Variants in CDC14A observed in about 807,000 individuals in gnomAD.
CDC14A encodes dual specificity protein phosphatase CDC14A.
In CDC14A, 53 loss-of-function variants were observed where a neutral mutation model predicts 74.4. The observed-to-expected ratio is 0.71, with a 90% confidence interval of 0.57 to 0.89. The LOEUF is 0.89. Among genes scored for constraint, CDC14A ranks in the 40% least tolerant of loss-of-function variants. CDC14A has a pLI of 0.00. For missense variants in CDC14A, 646 were observed against 713.7 expected, an observed-to-expected ratio of 0.91 and a Z score of 1.08; for synonymous variants, 247 against 258.4, an observed-to-expected ratio of 0.96 and a Z score of 0.43.
At chr1:100,392,625 T>C (rs1172326101) in intron 4 of CDC14A, among the ~76,000 whole-genome samples, 2 of 152,190 alleles carry the variant, frequency 1.3e-5, no homozygotes, top group African/African-American at 4.8e-5. Flanking sequence ...GAGGTCTTGT[T>C]TGGTAATCAA....
intron 15 of CDC14A, among the ~76,000 whole-genome samples, chr1:100,511,362 T>A (rs1289402723): frequency 6.6e-6 from 1 of 152,196 alleles, no homozygotes; most frequent in Admixed American, 6.5e-5. Context: ...AGGTGGCCCC[T>A]CATTCTGGTG....
At chr1:100,420,263 GA>G (rs1299900105) in intron 4 of CDC14A, among the ~76,000 whole-genome samples, 1 of 148,068 alleles carries the variant, frequency 6.8e-6, no homozygotes, top group East Asian at 2.0e-4. Flanking sequence ...ACTTCTCTAT[GA>G]AGCCATTTAT....
chr1:100,372,263 T>TG (rs1654583796), intron 2 of CDC14A, among the ~76,000 whole-genome samples: 1 of 152,180 alleles, frequency 6.6e-6, no homozygotes, highest in Non-Finnish European at 1.5e-5. Flanking sequence ...TGCTGAAGGT[T>TG]GGGGTGGCTG....
intron 7 of CDC14A, among the ~76,000 whole-genome samples, chr1:100,452,981 T>C (rs753135238): frequency 1.3e-5 from 2 of 152,200 alleles, no homozygotes; most frequent in African/African-American, 2.4e-5. Context: ...GGCACAAATA[T>C]TAACTTTGGA....
chr1:100,484,819 A>T (rs1165428012), intron 11 of CDC14A: 3 of 986,848 alleles, frequency 3.0e-6, no homozygotes, highest in Non-Finnish European at 3.6e-6. Context: ...AAAGCCTCAA[A>T]TTCATGCTGA....
intron 3 of CDC14A, among the ~76,000 whole-genome samples, chr1:100,386,064 G>A (rs778762994): frequency 1.6e-4 from 24 of 152,010 alleles, no homozygotes; most frequent in Non-Finnish European, 3.4e-4. Context: ...CTACTCAGGA[G>A]GCTGAGGCAT....
At chr1:100,369,989 A>AT (rs1654229982) in intron 2 of CDC14A, among the ~76,000 whole-genome samples, 25 of 147,944 alleles carry the variant, frequency 1.7e-4, no homozygotes, top group African/African-American at 2.0e-4. Flanking sequence ...TAAAAAAAAA[A>AT]ATTTTTTTTT....
chr1:100,393,721 T>A, intron 4 of CDC14A: 19 of 371,958 alleles, frequency 5.1e-5, no homozygotes, highest in Middle Eastern at 9.4e-4. Flanking sequence ...TTTGGGAGGC[T>A]GAGGCGGGCG....
At chr1:100,511,930 G>T (rs1451266435) in intron 15 of CDC14A, among the ~76,000 whole-genome samples, 3 of 152,184 alleles carry the variant, frequency 2.0e-5, no homozygotes, top group Non-Finnish European at 4.4e-5. Flanking sequence ...ACTGGGTCAA[G>T]TCTGGCTCCC....
chr1:100,376,563 T>C (rs757125479), intron 2 of CDC14A, among the ~76,000 whole-genome samples: 3 of 152,164 alleles, frequency 2.0e-5, no homozygotes, highest in Non-Finnish European at 4.4e-5. Flanking sequence ...CGGAAGGGCC[T>C]GTAGATGGTG....
intron 4 of CDC14A, chr1:100,393,623 C>T (rs1413895466): frequency 1.2e-5 from 8 of 652,660 alleles, no homozygotes; most frequent in Non-Finnish European, 2.0e-5. Context: ...CTGCTTCCTG[C>T]ACACCAGAGG....
intron 15 of CDC14A, among the ~76,000 whole-genome samples, chr1:100,500,811 A>AGTGTGTGTGTGTGT (rs58424420): frequency 1.2e-4 from 16 of 131,324 alleles, no homozygotes; most frequent in African/African-American, 4.6e-4. Context: ...ATGAGAATGC[A>AGTGTGTGTGTGTGT]GTGTGTGTGT....
At chr1:100,460,392 G>A (rs1164409280) in intron 8 of CDC14A, among the ~76,000 whole-genome samples, 2 of 152,148 alleles carry the variant, frequency 1.3e-5, no homozygotes, top group African/African-American at 2.4e-5. Context: ...CAGGGAGGAA[G>A]GGGATAGGCA....
chr1:100,466,438 A>G (rs1350012236), intron 9 of CDC14A, among the ~76,000 whole-genome samples: 1 of 152,210 alleles, frequency 6.6e-6, no homozygotes, highest in African/African-American at 2.4e-5. Context: ...TCATAAAGGG[A>G]GAGCCCCACT....
intron 4 of CDC14A, among the ~76,000 whole-genome samples, chr1:100,392,500 G>A (rs750265877): frequency 2.2e-4 from 33 of 150,072 alleles, no homozygotes; most frequent in African/African-American, 7.1e-4. Flanking sequence ...ATTCATATTC[G>A]TCTGGTTTAT....
intron 10 of CDC14A, among the ~76,000 whole-genome samples, chr1:100,478,743 A>T (rs1669167818): frequency 6.6e-6 from 1 of 152,206 alleles, no homozygotes; most frequent in Non-Finnish European, 1.5e-5. Context: ...TTAAATCCAT[A>T]AACCAAAAAT....
chr1:100,394,502 G>T lies in CDC14A; in HGVS notation c.309+3678G>T, dbSNP rs74926568. On this transcript the variant is annotated intron_variant, in intron 4 of 15. Coordinates refer to ENST00000336454, the MANE Select transcript of CDC14A (RefSeq NM_003672.4). ...GCAGGGTGCCTCTAGAACTTTGAAA[G>T]GATTAAATTAGATGCGTTGAGCTTG... is the stretch of plus-strand genomic sequence containing the variant. 2.9e-3 allele frequency among the ~76,000 whole-genome samples: 437 copies of T among 152,284 alleles called. 2 individuals carry two copies. Among genetic ancestry groups the T allele is most frequent in the African/African-American group, 9.4e-3 (392 of 41,540 alleles).
At position 100,389,247 on chromosome 1, in the gene CDC14A, T is replaced by C. The variant is rs1490616101; in HGVS notation, c.217-1485T>C. Among the ~76,000 whole-genome samples, 4 of 146,466 alleles carry C rather than the reference T, an allele frequency of 2.7e-5. No homozygotes were observed. The East Asian group carries it at 8.1e-4, about 30-fold the overall frequency. ...CAGCCATTTTCAGATAATGTGATTC[T>C]AGGAGTTCGAGACCAGCCTGGCCAA... On this transcript the variant is annotated intron_variant, in intron 3 of 15. Coordinates refer to ENST00000336454, the MANE Select transcript of CDC14A (RefSeq NM_003672.4).
rs1651198002 is a variant in CDC14A at position 100,352,509 on chromosome 1, A to C, written c.-446A>C. On this transcript the variant is annotated 5_prime_UTR_variant, in exon 1 of 16. Coordinates refer to ENST00000336454, the MANE Select transcript of CDC14A (RefSeq NM_003672.4). ...GAGGTGGCGAAGGAGGATCCGGAGC[A>C]GCTGCTGCCAGCCCGCGGGCACTGA... 9.7e-7 allele frequency: 1 copy of C among 1,031,814 alleles called. No individual in the cohort carries two copies. The highest frequency in any genetic ancestry group is 5.8e-5 in the Admixed American group (1 of 17,276). 63.9% of individuals were successfully genotyped at this position (1,031,814 alleles called of 1,614,324 possible).
Sources: allele counts gnomAD v4.1 joint callset (sites outside exome capture counted in the v4.1 genomes callset), GRCh38; gene constraint gnomAD v4.1.1; transcripts MANE v1.5; gene names NCBI Gene and HGNC (gene_info 2026-07-23, HGNC 2026-07-21).